The following GALNT17 variants were observed in gnomAD, a reference collection of about 807,000 sequenced individuals.
GALNT17 encodes polypeptide N-acetylgalactosaminyltransferase 17, also known as UDP-GalNAc:polypeptide N-acetylgalactosaminyltransferase-like 3.
In GALNT17, 29 loss-of-function variants were observed where a neutral mutation model predicts 63.7. The observed-to-expected ratio is 0.46, with a 90% CI of 0.34 to 0.62. The LOEUF is 0.62. Among genes scored for constraint, GALNT17 ranks in the 20% least tolerant of loss-of-function variants. The pLI is 0.01. For missense variants in GALNT17, 603 were observed against 799.6 expected (o/e 0.75, Z 2.97); for synonymous variants, 305 against 318.3 (o/e 0.96, Z 0.45).
intron 6 of GALNT17, among the ~76,000 whole-genome samples, chr7:71,653,720 T>C (rs1018168825): frequency 6.6e-6 from 1 of 152,148 alleles, no homozygotes; most frequent in African/African-American, 2.4e-5. Flanking sequence ...AAGTAGGACA[T>C]CTTGAAGCAG....
intron 5 of GALNT17, among the ~76,000 whole-genome samples, chr7:71,443,363 C>T (rs1787102529): frequency 6.6e-6 from 1 of 152,146 alleles, no homozygotes; most frequent in Non-Finnish European, 1.5e-5. Context: ...TTTGTCGCTT[C>T]CGAATCTCAT....
At chr7:71,260,218 A>G (rs1790361261) in intron 1 of GALNT17, among the ~76,000 whole-genome samples, 1 of 152,152 alleles carries the variant, frequency 6.6e-6, no homozygotes, top group African/African-American at 2.4e-5. Context: ...CAGAAACATC[A>G]TAGATATTGT....
At chr7:71,659,569 A>C (rs1204392145) in intron 6 of GALNT17, among the ~76,000 whole-genome samples, 1 of 152,202 alleles carries the variant, frequency 6.6e-6, no homozygotes, top group Admixed American at 6.5e-5. Context: ...TTCCAAGAGG[A>C]AGAAAGTGCA....
chr7:71,320,138 C>T (rs1403282582), intron 1 of GALNT17, among the ~76,000 whole-genome samples: 1 of 152,146 alleles, frequency 6.6e-6, no homozygotes, highest in Non-Finnish European at 1.5e-5. Flanking sequence ...CAGATACATA[C>T]TCTCTGCCCT....
chr7:71,617,250 C>A (rs1266372899), intron 6 of GALNT17, among the ~76,000 whole-genome samples: 1 of 148,590 alleles, frequency 6.7e-6, no homozygotes, highest in Non-Finnish European at 1.5e-5. Flanking sequence ...TGGATTCCAT[C>A]ACCCAGGTAG....
chr7:71,611,434 C>A (rs974215585), intron 6 of GALNT17, among the ~76,000 whole-genome samples: 2 of 152,176 alleles, frequency 1.3e-5, no homozygotes. Context: ...TTTGATTTGA[C>A]CCTGTGATAT....
At chr7:71,504,910 C>T (rs1175838338) in intron 5 of GALNT17, among the ~76,000 whole-genome samples, 1 of 152,132 alleles carries the variant, frequency 6.6e-6, no homozygotes, top group African/African-American at 2.4e-5. Context: ...TCATCTCTCC[C>T]CTGGGTCTCT....
chr7:71,314,959 A>G (rs948779627), intron 1 of GALNT17, among the ~76,000 whole-genome samples: 6 of 152,180 alleles, frequency 3.9e-5, no homozygotes, highest in East Asian at 1.9e-4. Flanking sequence ...AAAAGTCTAC[A>G]GTTCACCACT....
intron 5 of GALNT17, among the ~76,000 whole-genome samples, chr7:71,514,591 G>GC (rs1351672905): frequency 6.6e-6 from 1 of 152,032 alleles, no homozygotes; most frequent in Non-Finnish European, 1.5e-5. Context: ...CTCCTAACGG[G>GC]CCCCAGGACC....
At chr7:71,680,713 CCTT>C (rs1196445557) in intron 9 of GALNT17, among the ~76,000 whole-genome samples, 16 of 30,128 alleles carry the variant, frequency 5.3e-4, no homozygotes, top group African/African-American at 1.2e-3. Context: ...TTCCTTCCTT[CCTT>C]CCTCCCTCTC....
intron 3 of GALNT17, among the ~76,000 whole-genome samples, chr7:71,413,879 AGTGTATCCCTGT>A (rs529924199): frequency 0.077 from 11,675 of 152,222 alleles, 552 homozygotes; most frequent in Middle Eastern, 0.18. Flanking sequence ...TGTTTGGAAC[AGTGTATCCCTGT>A]ACATTGTAAG....
chr7:71,484,259 G>A (rs1306777797), intron 5 of GALNT17, among the ~76,000 whole-genome samples: 5 of 152,134 alleles, frequency 3.3e-5, no homozygotes, highest in East Asian at 1.9e-4. Context: ...AGACTGAGGC[G>A]GGCGGATCAC....
At chr7:71,249,315 T>C (rs1790155495) in intron 1 of GALNT17, among the ~76,000 whole-genome samples, 1 of 152,230 alleles carries the variant, frequency 6.6e-6, no homozygotes, top group South Asian at 2.1e-4. Context: ...TTTTTTTCTC[T>C]CGTTAATTTT....
intron 1 of GALNT17, among the ~76,000 whole-genome samples, chr7:71,324,684 A>G (rs1583862071): frequency 2.6e-5 from 4 of 152,276 alleles, no homozygotes; most frequent in Admixed American, 2.6e-4. Context: ...ACCAAGAGTC[A>G]TTTGAGTAAC....
intron 1 of GALNT17, among the ~76,000 whole-genome samples, chr7:71,227,751 T>A (rs1223191813): frequency 1.3e-5 from 2 of 152,200 alleles, no homozygotes; most frequent in African/African-American, 2.4e-5. Context: ...GAGGGTCAGC[T>A]GCAGCCATGA....
chr7:71,273,340 C>A (rs1220061117), intron 1 of GALNT17, among the ~76,000 whole-genome samples: 1 of 152,206 alleles, frequency 6.6e-6, no homozygotes, highest in African/African-American at 2.4e-5. Flanking sequence ...GTGGATTACT[C>A]CTTTTCCCTC....
At chr7:71,492,694 A>T (rs1201337766) in intron 5 of GALNT17, among the ~76,000 whole-genome samples, 1 of 152,240 alleles carries the variant, frequency 6.6e-6, no homozygotes, top group East Asian at 1.9e-4. Flanking sequence ...CAGTTTATTA[A>T]TCTGTCAAAT....
At chr7:71,674,271 A>G (rs1187996288) in intron 8 of GALNT17, among the ~76,000 whole-genome samples, 2 of 151,982 alleles carry the variant, frequency 1.3e-5, no homozygotes, top group Non-Finnish European at 2.9e-5. Flanking sequence ...ACAGATATAT[A>G]TATTTCAGAT....
At chr7:71,450,358 G>A (rs1274032930) in intron 5 of GALNT17, among the ~76,000 whole-genome samples, 3 of 151,788 alleles carry the variant, frequency 2.0e-5, no homozygotes, top group South Asian at 2.1e-4. Context: ...TGGTCTCGTC[G>A]CGACCTCAAG....
Sources: gnomAD v4.1 joint callset for allele counts (sites outside exome capture counted in the v4.1 genomes callset) on GRCh38, gnomAD v4.1.1 for gene constraint, MANE v1.5 for transcripts, NCBI Gene and HGNC (gene_info 2026-07-23, HGNC 2026-07-21) for gene names.